Variants in ACTR3C observed in about 807,000 individuals in gnomAD.
ACTR3C encodes actin related protein 3C.
In ACTR3C, 18 loss-of-function variants were observed where a neutral mutation model predicts 26.3. The ratio of observed to expected loss-of-function variants is 0.68; its 90% CI spans 0.47 to 1.01. The LOEUF (loss-of-function observed/expected upper bound fraction) is 1.01, where lower values mean the gene tolerates loss of function less well. Among genes scored for constraint, ACTR3C ranks in the 50% least tolerant of loss-of-function variants. The pLI is 0.00. For missense variants in ACTR3C, 184 were observed against 250.7 expected, an observed-to-expected ratio of 0.73 and a Z score of 1.80; for synonymous variants, 55 against 94.5, an observed-to-expected ratio of 0.58 and a Z score of 2.42.
At chr7:149,904,456 G>A in the ACTR3C span, among the ~76,000 whole-genome samples, 9 of 150,766 alleles carry the variant, frequency 6.0e-5, no homozygotes, top group Non-Finnish European at 8.9e-5. Context: ...GCTTGAACCC[G>A]GGAGGCAGAG....
chr7:150,126,069 A>G, the ACTR3C span, among the ~76,000 whole-genome samples: 2 of 152,224 alleles, frequency 1.3e-5, no homozygotes, highest in East Asian at 1.9e-4. Context: ...CTTGACTTCA[A>G]GTGTCAACAA....
chr7:150,177,333 A>G, the ACTR3C span, among the ~76,000 whole-genome samples: 64 of 150,772 alleles, frequency 4.2e-4, 12 homozygotes, highest in African/African-American at 1.4e-3. Flanking sequence ...ATGCTCCTGT[A>G]TTTTACCATA....
the ACTR3C span, among the ~76,000 whole-genome samples, chr7:149,934,294 G>A: frequency 2.0e-5 from 3 of 152,066 alleles, no homozygotes; most frequent in African/African-American, 7.2e-5. Context: ...CCCAGGTGTT[G>A]AGCTCCACTC....
At chr7:150,141,088 G>A in the ACTR3C span, among the ~76,000 whole-genome samples, 1 of 152,234 alleles carries the variant, frequency 6.6e-6, no homozygotes, top group Non-Finnish European at 1.5e-5. Context: ...AGAAAAATGA[G>A]GAAGCTGCAG....
chr7:149,890,024 C>T, the ACTR3C span, among the ~76,000 whole-genome samples: 2 of 152,162 alleles, frequency 1.3e-5, no homozygotes, highest in East Asian at 1.9e-4. Context: ...ACATTAAATA[C>T]ATATATTCGT....
chr7:150,128,053 CAAAAAA>C, the ACTR3C span, among the ~76,000 whole-genome samples: 1 of 113,870 alleles, frequency 8.8e-6, no homozygotes, highest in Admixed American at 9.0e-5. Context: ...AAATTCATTC[CAAAAAA>C]AAAAAAAAAA....
chr7:150,167,188 C>T, the ACTR3C span, among the ~76,000 whole-genome samples: 1 of 150,622 alleles, frequency 6.6e-6, no homozygotes, highest in Non-Finnish European at 1.5e-5. Context: ...AGTGGGATTA[C>T]AGGATCATAT....
chr7:150,098,697 G>A, the ACTR3C span, among the ~76,000 whole-genome samples: 1 of 151,790 alleles, frequency 6.6e-6, no homozygotes, highest in Admixed American at 6.6e-5. Context: ...ACCAAAAAGT[G>A]GCACAGACAA....
the ACTR3C span, among the ~76,000 whole-genome samples, chr7:149,918,106 A>G: frequency 1.4e-4 from 21 of 152,092 alleles, no homozygotes; most frequent in African/African-American, 4.1e-4. Flanking sequence ...TCAAACTTAA[A>G]TATTTTATCC....
chr7:150,022,034 G>T, the ACTR3C span, among the ~76,000 whole-genome samples: 1 of 151,586 alleles, frequency 6.6e-6, no homozygotes, highest in African/African-American at 2.4e-5. Context: ...GTTCTTTAAG[G>T]AATCTCCACA....
the ACTR3C span, among the ~76,000 whole-genome samples, chr7:150,122,492 C>A: frequency 1.3e-5 from 2 of 152,228 alleles, no homozygotes; most frequent in Non-Finnish European, 1.5e-5. Context: ...AAAAAAATCT[C>A]ACCATCACTG....
the ACTR3C span, among the ~76,000 whole-genome samples, chr7:150,089,722 C>T: frequency 6.6e-6 from 1 of 152,218 alleles, no homozygotes; most frequent in Non-Finnish European, 1.5e-5. Context: ...CTACTTCTGA[C>T]TATTTCTGAT....
At chr7:149,983,395 C>A in the ACTR3C span, among the ~76,000 whole-genome samples, 1 of 125,842 alleles carries the variant, frequency 7.9e-6, no homozygotes, top group Non-Finnish European at 1.6e-5. Flanking sequence ...ATTAGGATTG[C>A]TATTATATAT....
At chr7:150,135,221 G>A in the ACTR3C span, among the ~76,000 whole-genome samples, 1 of 152,242 alleles carries the variant, frequency 6.6e-6, no homozygotes, top group African/African-American at 2.4e-5. Context: ...GCAGTGAGCT[G>A]AGATCGCGCC....
At chr7:150,099,326 C>T in the ACTR3C span, among the ~76,000 whole-genome samples, 4 of 151,976 alleles carry the variant, frequency 2.6e-5, no homozygotes, top group African/African-American at 7.3e-5. Flanking sequence ...ACAGGGTTTA[C>T]GTACATAAGT....
chr7:149,928,312 T>G, the ACTR3C span, among the ~76,000 whole-genome samples: 1 of 149,092 alleles, frequency 6.7e-6, no homozygotes, highest in Middle Eastern at 3.4e-3. Flanking sequence ...TCCTCCTGCC[T>G]CAGCCTCCTG....
the ACTR3C span, among the ~76,000 whole-genome samples, chr7:150,227,688 G>GTGTTTTTTTTTTTTTTTTTTTTTTTTTTT: frequency 8.1e-5 from 9 of 111,370 alleles, 1 homozygote; most frequent in East Asian, 2.7e-4. Flanking sequence ...TTGTGTCTGG[G>GTGTTTTTTTTTTTTTTTTTTTTTTTTTTT]TTTTTTTTTT....
the ACTR3C span, among the ~76,000 whole-genome samples, chr7:150,088,240 A>G: frequency 5.3e-5 from 8 of 152,240 alleles, no homozygotes; most frequent in African/African-American, 1.9e-4. Flanking sequence ...TGTCACATCT[A>G]AGAAACAAAT....
chr7:149,979,447 T>C, the ACTR3C span, among the ~76,000 whole-genome samples: 73 of 152,180 alleles, frequency 4.8e-4, 2 homozygotes, highest in Non-Finnish European at 2.2e-4. Context: ...ACCAAGGTAC[T>C]GAGCACATCA....
Sources: allele counts gnomAD v4.1 joint callset (sites outside exome capture counted in the v4.1 genomes callset), GRCh38; gene constraint gnomAD v4.1.1; transcripts MANE v1.5; gene names NCBI Gene and HGNC (gene_info 2026-07-23, HGNC 2026-07-21).